DCC: variants seen among roughly 807,000 people sequenced by gnomAD.
The protein encoded by DCC is DCC netrin 1 receptor.
A neutral mutation model predicts 172.5 loss-of-function variants in DCC; 58 were observed. That is an observed-to-expected ratio of 0.34 (90% CI 0.27 to 0.42). The LOEUF is 0.42. Among genes scored for constraint, DCC ranks in the 10% least tolerant of loss-of-function variants. The pLI is 1.00. For synonymous variants in DCC, 709 were observed against 644.5 expected (o/e 1.10, Z -1.52); for missense variants, 1,740 against 1,791.0 (o/e 0.97, Z 0.51).
At chr18:53,318,752 GT>G (rs57810228) in intron 13 of DCC, among the ~76,000 whole-genome samples, 12,651 of 131,576 alleles carry the variant, frequency 0.096, 430 homozygotes, top group Middle Eastern at 0.2. Flanking sequence ...TCTTCGTTGG[GT>G]TTTTTTTTTT....
chr18:52,750,254 T>A (rs2036974170), intron 1 of DCC, among the ~76,000 whole-genome samples: 1 of 152,194 alleles, frequency 6.6e-6, no homozygotes, highest in Admixed American at 6.5e-5. Flanking sequence ...AAGACCTTTC[T>A]GAGTCATGAA....
At chr18:52,964,909 A>G (rs1008547872) in intron 5 of DCC, 1 of 152,158 alleles carries the variant, frequency 6.6e-6, no homozygotes, top group Non-Finnish European at 1.5e-5. Context: ...AAATTCCTTG[A>G]TTAATGGCCT....
chr18:53,134,030 G>A (rs1041437284), intron 7 of DCC, among the ~76,000 whole-genome samples: 2 of 152,106 alleles, frequency 1.3e-5, no homozygotes, highest in African/African-American at 4.8e-5. Context: ...CAGATGGGGT[G>A]GGATATGTGA....
At chr18:52,479,588 C>CCCCA (rs1423916436) in intron 1 of DCC, among the ~76,000 whole-genome samples, 1 of 150,472 alleles carries the variant, frequency 6.6e-6, no homozygotes, top group East Asian at 2.0e-4. Flanking sequence ...CCACCCCCCC[C>CCCCA]CCGTCTCCCT....
At chr18:53,006,935 G>A (rs2143863381) in intron 5 of DCC, among the ~76,000 whole-genome samples, 1 of 152,290 alleles carries the variant, frequency 6.6e-6, no homozygotes, top group African/African-American at 2.4e-5. Flanking sequence ...CAAAGAGATT[G>A]CTTTATAGCA....
chr18:52,487,274 C>T (rs1470780816), intron 1 of DCC, among the ~76,000 whole-genome samples: 1 of 152,086 alleles, frequency 6.6e-6, no homozygotes, highest in Non-Finnish European at 1.5e-5. Context: ...TATCGTAAAA[C>T]ACAGATGCAA....
intron 7 of DCC, among the ~76,000 whole-genome samples, chr18:53,139,447 G>T (rs1273479959): frequency 6.6e-6 from 1 of 152,176 alleles, no homozygotes; most frequent in Non-Finnish European, 1.5e-5. Context: ...GGTAAAACTG[G>T]AATTAGTAGT....
In DCC at chr18:53,152,970, TC is replaced by T. The variant is rs1267219544; in HGVS notation, c.1262-4383del. On this transcript the variant is annotated intron_variant, in intron 7 of 28. Transcript: ENST00000442544. ...CTAGACCAGCTCTGTGAGAAGACAC[TC>T]CCTGAAGCCTAAGGAGAAAAGAGGG... Among the ~76,000 whole-genome samples, 12 of 152,262 alleles carry T rather than the reference TC, an allele frequency of 7.9e-5. No individual in the cohort carries two copies. The East Asian group carries it at 2.3e-3, about 29-fold the overall frequency.
chr18:52,947,028 GTCTTA>G (rs1166383952), intron 5 of DCC, among the ~76,000 whole-genome samples: 1 of 152,078 alleles, frequency 6.6e-6, no homozygotes, highest in African/African-American at 2.4e-5. Context: ...GCCCTGTTGG[GTCTTA>G]TCTCAATATC....
At chr18:52,934,438 A>G (rs1197876775) in intron 5 of DCC, among the ~76,000 whole-genome samples, 1 of 152,164 alleles carries the variant, frequency 6.6e-6, no homozygotes, top group African/African-American at 2.4e-5. Flanking sequence ...ACTTAAAAAC[A>G]GAAGCCATGT....
chr18:53,141,368 A>G (rs1276102464), intron 7 of DCC, among the ~76,000 whole-genome samples: 1 of 152,232 alleles, frequency 6.6e-6, no homozygotes, highest in Admixed American at 6.5e-5. Context: ...GGACCAGAAT[A>G]TATGTAAAGT....
intron 8 of DCC, among the ~76,000 whole-genome samples, chr18:53,178,599 G>C (rs1598879832): frequency 6.6e-6 from 1 of 152,274 alleles, no homozygotes; most frequent in African/African-American, 2.4e-5. Context: ...TTAGCCGGAT[G>C]TTTACAAAAC....
intron 1 of DCC, among the ~76,000 whole-genome samples, chr18:52,479,052 T>A (rs1169876770): frequency 5.9e-5 from 9 of 152,202 alleles, no homozygotes; most frequent in Non-Finnish European, 1.5e-5. Context: ...AGAGGTATTA[T>A]CTTTGGACAA....
chr18:53,218,892 G>T (rs2055891493), intron 12 of DCC, among the ~76,000 whole-genome samples: 1 of 151,982 alleles, frequency 6.6e-6, no homozygotes, highest in Non-Finnish European at 1.5e-5. Context: ...GAACATAAAG[G>T]ATACATTTAC....
At chr18:53,368,974 A>G (rs1216946904) in intron 15 of DCC, among the ~76,000 whole-genome samples, 1 of 151,984 alleles carries the variant, frequency 6.6e-6, no homozygotes, top group Non-Finnish European at 1.5e-5. Flanking sequence ...TCTAAAAAAA[A>G]TCACTAGAAT....
chr18:52,577,423 T>A (rs954193573), intron 1 of DCC, among the ~76,000 whole-genome samples: 2 of 152,198 alleles, frequency 1.3e-5, no homozygotes, highest in African/African-American at 4.8e-5. Flanking sequence ...GAATTATTTT[T>A]AAAAAATGAA....
chr18:52,416,502 G>A (rs1987035169), intron 1 of DCC, among the ~76,000 whole-genome samples: 1 of 151,730 alleles, frequency 6.6e-6, no homozygotes, highest in African/African-American at 2.4e-5. Context: ...TATTGTGTGG[G>A]AGTCTAAGTC....
chr18:53,398,365 CAAG>C (rs1909087003), intron 18 of DCC, among the ~76,000 whole-genome samples: 1 of 152,088 alleles, frequency 6.6e-6, no homozygotes, highest in Non-Finnish European at 1.5e-5. Flanking sequence ...CTTCTTTCAA[CAAG>C]AAGATTTCTA....
At chr18:52,922,955 G>A (rs574370331) in intron 3 of DCC, among the ~76,000 whole-genome samples, 10 of 152,108 alleles carry the variant, frequency 6.6e-5, no homozygotes, top group Non-Finnish European at 1.0e-4. Context: ...TTCCTAAGTC[G>A]CATAAAGACT....
Sources: gnomAD v4.1 joint callset for allele counts (sites outside exome capture counted in the v4.1 genomes callset) on GRCh38, gnomAD v4.1.1 for gene constraint, MANE v1.5 for transcripts, NCBI Gene and HGNC (gene_info 2026-07-23, HGNC 2026-07-21) for gene names.